CNGB3: variants seen among roughly 807,000 people sequenced by gnomAD.
CNGB3 encodes the protein cyclic nucleotide-gated channel beta-3.
Under a neutral mutation model 92.8 loss-of-function variants are expected in CNGB3, and 86 were observed. The ratio of observed to expected loss-of-function variants is 0.93; its 90% confidence interval spans 0.78 to 1.11. The LOEUF is 1.11. Ranked by LOEUF, CNGB3 falls within the 50% of genes least tolerant of loss-of-function variation. The pLI is 0.00. For synonymous variants in CNGB3, 333 were observed against 332.7 expected, an observed-to-expected ratio of 1.00 and a Z score of -0.01; for missense variants, 1,026 against 956.8, an observed-to-expected ratio of 1.07 and a Z score of -0.95.
chr8:86,657,995 C>T, intron 6 of CNGB3: 2 of 545,940 alleles, frequency 3.7e-6, no homozygotes, highest in Admixed American at 2.0e-5. Flanking sequence ...CAGCGACGTT[C>T]CAGTTTTTCC....
At chr8:86,718,406 T>C (rs938800351) in intron 3 of CNGB3, among the ~76,000 whole-genome samples, 1 of 151,898 alleles carries the variant, frequency 6.6e-6, no homozygotes, top group African/African-American at 2.4e-5. Flanking sequence ...ACACATAAAC[T>C]AGAAAACTTA....
chr8:86,578,754 G>T lies in CNGB3; in HGVS notation c.2038C>A (p.Leu680Ile). Reference protein sequence around the residue: ...EETPKLFKTLLGGTGKASLAR... With the variant: ...EETPKLFKTLIGGTGKASLAR... ...AGACTTGCTTTTCCTGTGCCTCCTA[G>T]GAGAGTTTTAAACAGTTTGGGTGTC... Residue 680 changes from leucine to isoleucine, a missense_variant, in exon 17 of 18, where the codon CTA (leucine) becomes ATA (isoleucine). By Grantham distance (5) the Leu-to-Ile change is conservative. Transcript: ENST00000320005. The T allele has an allele frequency of 1.2e-6, 2 of 1,613,964 alleles. No individual in the cohort carries two copies. Among genetic ancestry groups the T allele is most frequent in the Non-Finnish European group, 1.7e-6 (2 of 1,179,970 alleles).
Position 86,647,900 on chromosome 8 carries a change from C to A in CNGB3, c.904-13G>T. On this transcript the variant is annotated splice_polypyrimidine_tract_variant and intron_variant, in intron 7 of 17. Transcript: ENST00000320005. ...ATGCGACATCCAACTGTTGAAAGAA[C>A]ACATTCACAAATATGTTGTGTTTAC... 3 of 1,493,162 alleles carry A rather than the reference C, an allele frequency of 2.0e-6. No homozygotes were observed. The highest frequency in any genetic ancestry group is 1.9e-6 in the Non-Finnish European group (2 of 1,071,124). 92.5% of individuals were successfully genotyped at this position (1,493,162 alleles called of 1,614,324 possible).
chr8:86,589,193 A>G (rs1821966637), intron 15 of CNGB3, among the ~76,000 whole-genome samples: 1 of 148,254 alleles, frequency 6.7e-6, no homozygotes. Flanking sequence ...TATCCCCTTT[A>G]TCATTTTTTA....
At chr8:86,628,781 G>T (rs1206486158) in intron 12 of CNGB3, 138 bp downstream of exon 12, 4 of 898,288 alleles carry the variant, frequency 4.5e-6, no homozygotes, top group African/African-American at 3.4e-5. Flanking sequence ...AAAACCTGTA[G>T]CATTAAACGA....
chr8:86,686,561 A>T (rs1287266166), intron 3 of CNGB3, among the ~76,000 whole-genome samples: 1 of 152,070 alleles, frequency 6.6e-6, no homozygotes, highest in Non-Finnish European at 1.5e-5. Context: ...TGAGAAGAAG[A>T]GATAATTGAA....
intron 6 of CNGB3, chr8:86,658,323 A>T (rs1367015586): frequency 4.1e-6 from 2 of 483,676 alleles, no homozygotes; most frequent in Non-Finnish European, 7.7e-6. Context: ...GATGCTTGGC[A>T]TGAGCGGAAG....
At chr8:86,741,856 G>A (rs928593945) in intron 1 of CNGB3, among the ~76,000 whole-genome samples, 4 of 151,680 alleles carry the variant, frequency 2.6e-5, no homozygotes, top group Non-Finnish European at 5.9e-5. Flanking sequence ...TTCTTTTTTC[G>A]CCTTCTCTCT....
At chr8:86,661,730 T>C in intron 6 of CNGB3, 1 of 1,552,336 alleles carries the variant, frequency 6.4e-7, no homozygotes, top group Non-Finnish European at 8.9e-7. Flanking sequence ...GGGTAGTGGT[T>C]GATCTAGCAT....
At chr8:86,738,799 T>A (rs1288954663) in intron 2 of CNGB3, among the ~76,000 whole-genome samples, 1 of 140,964 alleles carries the variant, frequency 7.1e-6, no homozygotes, top group Non-Finnish European at 1.5e-5. Context: ...CGAGATTACG[T>A]CACTGCACTC....
intron 9 of CNGB3, among the ~76,000 whole-genome samples, chr8:86,644,265 G>A (rs910490250): frequency 4.6e-5 from 7 of 151,262 alleles, no homozygotes; most frequent in Non-Finnish European, 7.4e-5. Flanking sequence ...AGAGGTTTCG[G>A]TGCAAGTAAA....
intron 2 of CNGB3, among the ~76,000 whole-genome samples, chr8:86,735,942 A>G (rs181799452): frequency 3.9e-5 from 6 of 152,234 alleles, no homozygotes; most frequent in African/African-American, 1.4e-4. Context: ...CCACTAGGTA[A>G]ATTACTTACA....
At chr8:86,586,323 AAT>A (rs1030198985) in intron 15 of CNGB3, among the ~76,000 whole-genome samples, 6 of 98,690 alleles carry the variant, frequency 6.1e-5, no homozygotes, top group African/African-American at 1.7e-4. Flanking sequence ...ATTAATAGAT[AAT>A]ATTTTTTTTT....
intron 6 of CNGB3, among the ~76,000 whole-genome samples, chr8:86,664,956 C>T (rs1563746448): frequency 6.6e-6 from 1 of 152,146 alleles, no homozygotes. Context: ...ATCTTCTGTG[C>T]TGTCCACCAG....
At chr8:86,697,626 A>G (rs1235312393) in intron 3 of CNGB3, among the ~76,000 whole-genome samples, 1 of 152,198 alleles carries the variant, frequency 6.6e-6, no homozygotes, top group Non-Finnish European at 1.5e-5. Context: ...GCTATCTAGG[A>G]ACCCTTTTCT....
chr8:86,648,386 C>G (rs371048282), intron 7 of CNGB3, among the ~76,000 whole-genome samples: 1 of 151,116 alleles, frequency 6.6e-6, no homozygotes, highest in Admixed American at 6.6e-5. Context: ...TTGTCTACTT[C>G]GAACCATTTT....
At chr8:86,603,273 C>A (rs1329983861) in intron 15 of CNGB3, among the ~76,000 whole-genome samples, 1 of 152,120 alleles carries the variant, frequency 6.6e-6, no homozygotes, top group African/African-American at 2.4e-5. Flanking sequence ...CATATCTTGT[C>A]TAATATTTTT....
intron 13 of CNGB3, among the ~76,000 whole-genome samples, chr8:86,612,804 C>T (rs60052590): frequency 0.072 from 11,009 of 152,180 alleles, 660 homozygotes; most frequent in East Asian, 0.32. Context: ...GAAAAAAAGG[C>T]CAAGGCCAGA....
At chr8:86,593,754 T>C in intron 15 of CNGB3, 1 of 1,267,690 alleles carries the variant, frequency 7.9e-7, no homozygotes, top group Admixed American at 1.8e-5. Flanking sequence ...CGTCACCAGC[T>C]CAGGATGCCA....
Sources: gnomAD v4.1 joint callset for allele counts (sites outside exome capture counted in the v4.1 genomes callset) on GRCh38, gnomAD v4.1.1 for gene constraint, MANE v1.5 for transcripts, NCBI Gene and HGNC (gene_info 2026-07-23, HGNC 2026-07-21) for gene names.